ZHX2: variants seen among roughly 807,000 people sequenced by gnomAD.
The protein encoded by ZHX2 is zinc fingers and homeoboxes 2.
ZHX2 carries 6 observed loss-of-function variants against 21.9 expected under a neutral mutation model. The ratio of observed to expected loss-of-function variants is 0.27; its 90% CI spans 0.15 to 0.54. ZHX2 has a LOEUF of 0.54. Among genes scored for constraint, ZHX2 ranks in the 20% least tolerant of loss-of-function variants. The pLI is 0.95. For missense variants in ZHX2, 908 were observed against 1,090.7 expected (o/e 0.83, Z 2.36); for synonymous variants, 434 against 437.1 (o/e 0.99, Z 0.09).
chr8:122,965,220 G>T (rs534252339), intron 3 of ZHX2, among the ~76,000 whole-genome samples: 2 of 151,810 alleles, frequency 1.3e-5, no homozygotes, highest in South Asian at 4.2e-4. Context: ...TGTTTCTCTA[G>T]TTTCTTGAGG....
intron 2 of ZHX2, among the ~76,000 whole-genome samples, chr8:122,873,514 G>A (rs1186292251): frequency 1.3e-5 from 2 of 152,210 alleles, no homozygotes; most frequent in East Asian, 1.9e-4. Flanking sequence ...AGCAGCATCA[G>A]AGCGGGCATG....
chr8:122,937,211 A>G (rs908752652), intron 2 of ZHX2, among the ~76,000 whole-genome samples: 2 of 152,232 alleles, frequency 1.3e-5, no homozygotes, highest in African/African-American at 4.8e-5. Context: ...GCAATGAAGA[A>G]TTAGGAGACC....
chr8:122,969,481 G>A (rs1813666856), intron 3 of ZHX2, among the ~76,000 whole-genome samples: 1 of 152,048 alleles, frequency 6.6e-6, no homozygotes, highest in Non-Finnish European at 1.5e-5. Context: ...ATGAGTGTAT[G>A]CATATGCCCA....
intron 2 of ZHX2, among the ~76,000 whole-genome samples, chr8:122,940,053 A>G (rs7015548): frequency 0.86 from 131,612 of 152,226 alleles, 56,993 homozygotes; most frequent in African/African-American, 0.91. Context: ...AACTGAGGTT[A>G]GCCATGGTGA....
chr8:122,797,256 C>A (rs1234044194), intron 1 of ZHX2, among the ~76,000 whole-genome samples: 2 of 152,174 alleles, frequency 1.3e-5, no homozygotes, highest in Admixed American at 6.5e-5. Flanking sequence ...CTTGGGGATC[C>A]ACGCTGCTAA....
chr8:122,824,568 C>T (rs1818222357), intron 1 of ZHX2, among the ~76,000 whole-genome samples: 1 of 152,158 alleles, frequency 6.6e-6, no homozygotes, highest in Admixed American at 6.5e-5. Context: ...TGGAATGTAC[C>T]TTAGATATCA....
intron 2 of ZHX2, among the ~76,000 whole-genome samples, chr8:122,878,887 G>A (rs542513242): frequency 6.6e-6 from 1 of 152,180 alleles, no homozygotes; most frequent in Non-Finnish European, 1.5e-5. Context: ...TGACCTCAAA[G>A]TGAGACCTTG....
chr8:122,810,577 A>ACACCT (rs1471766763), intron 1 of ZHX2: 28 of 152,336 alleles, frequency 1.8e-4, no homozygotes, highest in African/African-American at 6.5e-4. Flanking sequence ...TGCGTGGGTG[A>ACACCT]GTCTCTGTGG....
chr8:122,845,854 C>T (rs1818738933), intron 1 of ZHX2, among the ~76,000 whole-genome samples: 10 of 152,226 alleles, frequency 6.6e-5, no homozygotes, highest in Admixed American at 6.5e-4. Context: ...GAAAGAGCCA[C>T]AACACATAGG....
At chr8:122,878,417 A>G (rs1406731197) in intron 2 of ZHX2, among the ~76,000 whole-genome samples, 4 of 152,198 alleles carry the variant, frequency 2.6e-5, no homozygotes, top group Admixed American at 1.3e-4. Context: ...AGCTGGAGTC[A>G]GCCATATCTT....
Position 122,967,804 on chromosome 8 carries a change from G to T in ZHX2, c.*5-5438G>T, listed in dbSNP as rs564571810. Among the ~76,000 whole-genome samples, 4 of 152,314 alleles carry T rather than the reference G, an allele frequency of 2.6e-5. No individual in the cohort carries two copies. The South Asian group carries it at 6.2e-4, about 24-fold the overall frequency. Reference sequence around the variant, plus strand: ...CGGGAGGTGGTGCTTTCAGGAAAGCGCCAGCTGCAGTAGTAGAAGGGGATA... The same window carrying T: ...CGGGAGGTGGTGCTTTCAGGAAAGCTCCAGCTGCAGTAGTAGAAGGGGATA... On this transcript the variant is annotated intron_variant, in intron 3 of 3. Transcript: ENST00000314393.
chr8:122,889,455 G>C (rs1002583441), intron 2 of ZHX2, among the ~76,000 whole-genome samples: 1 of 152,112 alleles, frequency 6.6e-6, no homozygotes, highest in Admixed American at 6.6e-5. Context: ...TTATGGTTTC[G>C]ATTTGCATTT....
At chr8:122,936,598 G>A (rs541209793) in intron 2 of ZHX2, among the ~76,000 whole-genome samples, 1 of 152,346 alleles carries the variant, frequency 6.6e-6, no homozygotes, top group East Asian at 1.9e-4. Flanking sequence ...AACTCTGTCT[G>A]TCGGGATGTT....
rs1817919791 is a variant in ZHX2 at position 122,811,188 on chromosome 8, TGG to T, written c.-283+29244_-283+29245del. On this transcript the variant is annotated intron_variant, in intron 1 of 3. Coordinates refer to ENST00000314393, the MANE Select transcript of ZHX2 (RefSeq NM_014943.5). Reference sequence around the variant, plus strand: ...TGAGCTCAGGAGTTCGAGACCAGCCTGGGCAACATGGCGAAACCCTATCACTA... The same window carrying T: ...TGAGCTCAGGAGTTCGAGACCAGCCTGCAACATGGCGAAACCCTATCACTA... Among the ~76,000 whole-genome samples, 7 of 152,158 alleles carry T rather than the reference TGG, an allele frequency of 4.6e-5. No individual in the cohort carries two copies. In the South Asian group the frequency reaches 1.5e-3, roughly 32 times the overall value.
intron 2 of ZHX2, among the ~76,000 whole-genome samples, chr8:122,896,086 T>C (rs1820093073): frequency 6.6e-6 from 1 of 152,090 alleles, no homozygotes; most frequent in Non-Finnish European, 1.5e-5. Flanking sequence ...CCATCCTGCC[T>C]GAAGCTGGAA....
intron 1 of ZHX2, among the ~76,000 whole-genome samples, chr8:122,811,587 G>A (rs1167606960): frequency 6.6e-6 from 1 of 152,192 alleles, no homozygotes; most frequent in African/African-American, 2.4e-5. Context: ...TCTGATAGGG[G>A]CAGACAGAAC....
chr8:122,952,599 G>A lies in ZHX2; in HGVS notation c.1089G>A (p.Gln363=), dbSNP rs934613716. The A allele has an allele frequency of 1.9e-6, 3 of 1,614,170 alleles. No individual in the cohort carries two copies. The highest frequency in any genetic ancestry group is 2.5e-6 in the Non-Finnish European group (3 of 1,180,032). Residue 363 remains glutamine, a synonymous_variant, in exon 3 of 4, where the codon CAG becomes CAA. Transcript: ENST00000314393. The surrounding 1 kb of genome is among the most constrained non-coding windows in gnomAD (Gnocchi z 6.9). ...APTKVTQPIL[Q]TALPCQILGQ... ...CAAAGGTGACGCAGCCCATCCTCCA[G>A]ACGGCTCTACCGTGCCAGATCCTCG...
intron 2 of ZHX2, among the ~76,000 whole-genome samples, chr8:122,942,654 C>A (rs1812875441): frequency 6.6e-6 from 1 of 152,156 alleles, no homozygotes; most frequent in African/African-American, 2.4e-5. Context: ...CCTCACCTCC[C>A]CCAGATGCAT....
At chr8:122,946,737 A>C (rs1812986030) in intron 2 of ZHX2, among the ~76,000 whole-genome samples, 1 of 152,154 alleles carries the variant, frequency 6.6e-6, no homozygotes, top group Non-Finnish European at 1.5e-5. Context: ...CCTTTGGCCA[A>C]TGGGTGCAAA....
Sources: gnomAD v4.1 joint callset for allele counts (sites outside exome capture counted in the v4.1 genomes callset) on GRCh38, gnomAD v4.1.1 for gene constraint, Gnocchi (gnomAD v3.1) non-coding constraint, MANE v1.5 for transcripts, NCBI Gene and HGNC (gene_info 2026-07-23, HGNC 2026-07-21) for gene names.